The following PARD3B variants were observed in gnomAD, a reference collection of about 807,000 sequenced individuals.
The protein encoded by PARD3B is par-3 family cell polarity regulator beta.
Under a neutral mutation model 130.2 loss-of-function variants are expected in PARD3B, and 103 were observed. That is an observed-to-expected ratio of 0.79 (90% CI 0.67 to 0.93). The LOEUF (loss-of-function observed/expected upper bound fraction) is 0.93, where lower values mean the gene tolerates loss of function less well. PARD3B is among the 40% of genes least tolerant of loss of function. The pLI, the probability that PARD3B is intolerant of heterozygous loss-of-function variation, is 0.00. For missense variants in PARD3B, 1,609 were observed against 1,499.2 expected (o/e 1.07, Z -1.21); for synonymous variants, 583 against 553.2 (o/e 1.05, Z -0.76).
rs148825280 is a variant in PARD3B at position 205,565,799 on chromosome 2, C to T, written c.3260+12396C>T. Among the ~76,000 whole-genome samples, 292 of 151,648 alleles carry T rather than the reference C, an allele frequency of 1.9e-3. 1 individual carries two copies. The highest frequency in any genetic ancestry group is 3.6e-3 in the Non-Finnish European group (245 of 67,940). ...TACACTCTGTAGGCCCTGAGGATAG[C>T]GTGATAAGCCCCATAGACACAGTTT... On this transcript the variant is annotated intron_variant, in intron 22 of 22. Transcript: ENST00000406610.
At chr2:205,163,219 T>C (rs559946188) in intron 11 of PARD3B, among the ~76,000 whole-genome samples, 2 of 152,298 alleles carry the variant, frequency 1.3e-5, no homozygotes, top group East Asian at 3.9e-4. Flanking sequence ...AGGTAAGAAT[T>C]CAAATTTACA....
intron 1 of PARD3B, among the ~76,000 whole-genome samples, chr2:204,665,850 T>G (rs570009638): frequency 6.6e-6 from 1 of 152,344 alleles, no homozygotes; most frequent in East Asian, 1.9e-4. Context: ...AGGAATATCT[T>G]GGGCTGTATA....
At chr2:205,008,350 T>C (rs1218487298) in intron 3 of PARD3B, among the ~76,000 whole-genome samples, 3 of 151,928 alleles carry the variant, frequency 2.0e-5, no homozygotes, top group Non-Finnish European at 4.4e-5. Context: ...ACTCTTCTAA[T>C]AGGAAAGTTT....
chr2:205,432,792 T>C (rs2047382204), intron 19 of PARD3B, among the ~76,000 whole-genome samples: 2 of 152,132 alleles, frequency 1.3e-5, no homozygotes, highest in South Asian at 4.1e-4. Context: ...TTTAATAATG[T>C]AAACTCCCTT....
chr2:205,249,656 T>A (rs547225149), intron 16 of PARD3B, among the ~76,000 whole-genome samples: 1 of 152,256 alleles, frequency 6.6e-6, no homozygotes, highest in Admixed American at 6.5e-5. Context: ...TTTCAGGGGC[T>A]TCCCCAAAAG....
intron 2 of PARD3B, among the ~76,000 whole-genome samples, chr2:204,730,557 C>T (rs1474129525): frequency 7.1e-6 from 1 of 140,350 alleles, no homozygotes; most frequent in African/African-American, 2.8e-5. Context: ...AGCAATCTTG[C>T]AGACAGATGC....
intron 18 of PARD3B, among the ~76,000 whole-genome samples, chr2:205,392,139 A>G (rs2045883277): frequency 6.6e-6 from 1 of 152,196 alleles, no homozygotes; most frequent in Non-Finnish European, 1.5e-5. Context: ...GGTATGGGGA[A>G]AGCAAATTAG....
intron 2 of PARD3B, among the ~76,000 whole-genome samples, chr2:204,804,662 C>T (rs1463565343): frequency 6.6e-6 from 1 of 152,206 alleles, no homozygotes; most frequent in Non-Finnish European, 1.5e-5. Flanking sequence ...CAGAACATTT[C>T]ATCCAGTGGC....
At chr2:205,557,503 G>A (rs1021530005) in intron 22 of PARD3B, among the ~76,000 whole-genome samples, 5 of 152,154 alleles carry the variant, frequency 3.3e-5, no homozygotes, top group African/African-American at 1.2e-4. Flanking sequence ...CTTCCCAAGG[G>A]GATGCACTGA....
At chr2:204,921,952 G>C (rs954837663) in intron 2 of PARD3B, among the ~76,000 whole-genome samples, 1 of 152,080 alleles carries the variant, frequency 6.6e-6, no homozygotes, top group Non-Finnish European at 1.5e-5. Flanking sequence ...TTGCAGGCTG[G>C]GGGTGTGGCA....
chr2:205,082,329 C>T (rs976317936), intron 4 of PARD3B, among the ~76,000 whole-genome samples: 6 of 152,048 alleles, frequency 3.9e-5, no homozygotes, highest in Non-Finnish European at 8.8e-5. Context: ...TACTCACACA[C>T]CTATGATAAA....
rs559389513 is a variant in PARD3B at position 205,008,119 on chromosome 2, T to C, written c.395-39462T>C. ...TGGTGCCTCTTTAAACCATTGCTGA[T>C]CCTAGATTTTTTTTAAGGGATGAGA... On this transcript the variant is annotated intron_variant, in intron 3 of 22. Transcript: ENST00000406610. 2.0e-5 allele frequency among the ~76,000 whole-genome samples: 3 copies of C among 152,066 alleles called. No homozygotes were observed. The South Asian group carries it at 6.2e-4, about 32-fold the overall frequency.
At chr2:205,574,407 A>G (rs1011265291) in intron 22 of PARD3B, among the ~76,000 whole-genome samples, 1 of 152,212 alleles carries the variant, frequency 6.6e-6, no homozygotes, top group Non-Finnish European at 1.5e-5. Context: ...TATGCCATCT[A>G]TGCTACGCCA....
chr2:205,103,732 G>A (rs1056408660), intron 4 of PARD3B: 22 of 985,312 alleles, frequency 2.2e-5, no homozygotes, highest in African/African-American at 3.5e-5. Flanking sequence ...AGCATCAGGC[G>A]TGCTTTCTAG....
intron 15 of PARD3B, among the ~76,000 whole-genome samples, chr2:205,196,752 G>T (rs986048523): frequency 2.6e-5 from 4 of 152,000 alleles, no homozygotes; most frequent in African/African-American, 9.7e-5. Context: ...TTGAAATTTA[G>T]TCACATTGAA....
At chr2:205,040,491 A>G (rs1378586634) in intron 3 of PARD3B, among the ~76,000 whole-genome samples, 1 of 152,176 alleles carries the variant, frequency 6.6e-6, no homozygotes, top group Non-Finnish European at 1.5e-5. Context: ...AACTCATTCA[A>G]CAGTTGTTAA....
chr2:204,724,142 T>G (rs1010771130), intron 2 of PARD3B, among the ~76,000 whole-genome samples: 6 of 152,162 alleles, frequency 3.9e-5, no homozygotes, highest in Non-Finnish European at 7.4e-5. Flanking sequence ...AGCACTTTTC[T>G]TAATATTCTC....
At chr2:204,696,091 A>G (rs2037595535) in intron 2 of PARD3B, among the ~76,000 whole-genome samples, 1 of 151,988 alleles carries the variant, frequency 6.6e-6, no homozygotes, top group African/African-American at 2.4e-5. Context: ...CCTATTTCTT[A>G]ATGAGTAACA....
intron 20 of PARD3B, among the ~76,000 whole-genome samples, chr2:205,482,292 G>A (rs1204630016): frequency 6.6e-6 from 1 of 152,162 alleles, no homozygotes; most frequent in East Asian, 1.9e-4. Flanking sequence ...ACAAAGAAGA[G>A]AGACTTGCCA....
Sources: gnomAD v4.1 joint callset for allele counts (sites outside exome capture counted in the v4.1 genomes callset) on GRCh38, gnomAD v4.1.1 for gene constraint, MANE v1.5 for transcripts, NCBI Gene and HGNC (gene_info 2026-07-23, HGNC 2026-07-21) for gene names.